GSDMC: variants seen among roughly 807,000 people sequenced by gnomAD.
GSDMC encodes the protein gasdermin C.
GSDMC carries 59 observed loss-of-function variants against 58.0 expected under a neutral mutation model. The ratio of observed to expected loss-of-function variants is 1.02; its 90% CI spans 0.82 to 1.26. The LOEUF (loss-of-function observed/expected upper bound fraction) is 1.26. Ranked by LOEUF, GSDMC falls within the 50% of genes most tolerant of loss-of-function variation. The probability of loss-of-function intolerance (pLI) is 0.00; values close to 1 mark genes in which losing one functional copy is unlikely to be tolerated. For missense variants in GSDMC, 659 were observed against 598.5 expected, an observed-to-expected ratio of 1.10 and a Z score of -1.06; for synonymous variants, 241 against 220.2, an observed-to-expected ratio of 1.09 and a Z score of -0.83.
intron 11 of GSDMC, among the ~76,000 whole-genome samples, 156 bp from the exon 12 acceptor site, chr8:129,750,275 C>A (rs756950515): frequency 6.6e-6 from 1 of 152,210 alleles, no homozygotes; most frequent in East Asian, 1.9e-4. Flanking sequence ...GGCGACACTT[C>A]CCTGGCCCAT....
At chr8:129,730,588 A>C in the GSDMC span, 1 of 285,374 alleles carries the variant, frequency 3.5e-6, no homozygotes, top group East Asian at 9.2e-5. Context: ...GTCATAGATA[A>C]TTTACACAGA....
At chr8:129,725,013 G>A in the GSDMC span, among the ~76,000 whole-genome samples, 1 of 152,154 alleles carries the variant, frequency 6.6e-6, no homozygotes, top group Admixed American at 6.5e-5. Flanking sequence ...AGAATACAAG[G>A]CCAGTTGAAC....
At chr8:129,730,025 G>A in the GSDMC span, 1 of 1,338,816 alleles carries the variant, frequency 7.5e-7, no homozygotes, top group Non-Finnish European at 1.0e-6. Flanking sequence ...GAAGAAAAAG[G>A]ATGAGAAGGA....
intron 4 of GSDMC, among the ~76,000 whole-genome samples, chr8:129,763,761 GT>G (rs2033757167): frequency 6.6e-6 from 1 of 152,002 alleles, no homozygotes. Context: ...TTTATATTTT[GT>G]AGAGACAAGG....
At chr8:129,722,796 T>C in the GSDMC span, among the ~76,000 whole-genome samples, 2 of 152,338 alleles carry the variant, frequency 1.3e-5, no homozygotes, top group Middle Eastern at 3.4e-3. Flanking sequence ...TGCATACAGA[T>C]GGATTTAACT....
the GSDMC span, chr8:129,730,102 C>T: frequency 1.0e-6 from 1 of 984,652 alleles, no homozygotes; most frequent in Non-Finnish European, 1.5e-6. Context: ...TCTTGTAACA[C>T]TATTCAGGTG....
intron 1 of GSDMC, among the ~76,000 whole-genome samples, chr8:129,779,643 TA>T (rs200247939): frequency 0.014 from 2,166 of 151,210 alleles, 62 homozygotes; most frequent in African/African-American, 0.049. Flanking sequence ...TATATATAAT[TA>T]AAAAAAAGAA....
chr8:129,757,188 C>T (rs779804476), intron 6 of GSDMC, among the ~76,000 whole-genome samples: 15 of 150,206 alleles, frequency 1.0e-4, no homozygotes, highest in Non-Finnish European at 1.0e-4. Flanking sequence ...ATGGAGAGGA[C>T]GCAAATAAAA....
At chr8:129,730,128 AAG>A in the GSDMC span, 7 of 982,676 alleles carry the variant, frequency 7.1e-6, no homozygotes, top group Non-Finnish European at 8.8e-6. Context: ...GAATGCCAAC[AAG>A]AGAGATCTCA....
Position 129,786,321 on chromosome 8 carries a change from C to CAA in GSDMC, c.-317_-316dup, listed in dbSNP as rs747387114. ...CACTCCAGCCTGGGCAACTCCGTCTCAAAAAAAAAAAAAAGAGAGAAAAAT... is the reference window on the plus strand; with the variant it reads ...CACTCCAGCCTGGGCAACTCCGTCTCAAAAAAAAAAAAAAAAGAGAGAAAAAT... On this transcript the variant is annotated 5_prime_UTR_variant, in exon 1 of 14. Transcript: ENST00000276708. 4 of 131,706 alleles carry CAA rather than the reference C, an allele frequency of 3.0e-5. No individual in the cohort carries two copies. Among genetic ancestry groups the CAA allele is most frequent in the African/African-American group, 8.3e-5 (3 of 35,942 alleles). 8.2% of individuals were successfully genotyped at this position (131,706 alleles called of 1,614,324 possible). A position where few individuals can be genotyped will look rare whatever the true frequency, so the allele number is the denominator to read the frequency against.
chr8:129,779,243 A>G (rs994916345), intron 1 of GSDMC, among the ~76,000 whole-genome samples: 10 of 152,180 alleles, frequency 6.6e-5, no homozygotes, highest in African/African-American at 2.4e-4. Flanking sequence ...GATAAAGAAA[A>G]CGCGGTACAT....
chr8:129,758,203 GAAGAAAGATACCTCA>G (rs1350410172), intron 6 of GSDMC, among the ~76,000 whole-genome samples: 1 of 152,160 alleles, frequency 6.6e-6, no homozygotes, highest in African/African-American at 2.4e-5. Flanking sequence ...ACCAGGTATA[GAAGAAAGATACCTCA>G]ACATGATAAA....
At position 129,751,899 on chromosome 8, in the gene GSDMC, A is replaced by C; in HGVS notation, c.887-8T>G. 2 of 1,613,296 alleles carry C rather than the reference A, an allele frequency of 1.2e-6. No individual in the cohort carries two copies. Among genetic ancestry groups the C allele is most frequent in the Non-Finnish European group, 1.7e-6 (2 of 1,179,234 alleles). ...TGTGAACTTGTTCGTATTCTAAAAA[A>C]AGAAATGAAATTCCTCACCAAAGAG... On this transcript the variant is annotated splice_polypyrimidine_tract_variant and splice_region_variant and intron_variant, in intron 8 of 13. Coordinates refer to ENST00000276708, the MANE Select transcript of GSDMC (RefSeq NM_031415.3).
rs574950387 is a variant in GSDMC at position 129,780,667 on chromosome 8, A to G, written c.-4-3076T>C. ...AAGGGAGTTGTTCTATCTGAAAGAA[A>G]ATGATGTTAATGAGCAAGAAGAAAT... On this transcript the variant is annotated intron_variant, in intron 1 of 13. Coordinates refer to ENST00000276708, the MANE Select transcript of GSDMC (RefSeq NM_031415.3). 3.9e-5 allele frequency among the ~76,000 whole-genome samples: 6 copies of G among 152,370 alleles called. No individual in the cohort carries two copies. The South Asian group carries it at 1.0e-3, about 26-fold the overall frequency.
intron 5 of GSDMC, among the ~76,000 whole-genome samples, chr8:129,761,103 T>C (rs1239696757): frequency 5.3e-5 from 8 of 152,208 alleles, no homozygotes; most frequent in Admixed American, 5.2e-4. Flanking sequence ...CTGCAAGTCA[T>C]GTTCTGACTA....
intron 2 of GSDMC, among the ~76,000 whole-genome samples, chr8:129,777,115 ACTCTTAT>A (rs1586617070): frequency 6.6e-6 from 1 of 152,048 alleles, no homozygotes; most frequent in East Asian, 1.9e-4. Flanking sequence ...CCTTCTATTT[ACTCTTAT>A]GTAAAATGGG....
intron 1 of GSDMC, among the ~76,000 whole-genome samples, chr8:129,783,075 T>C (rs1327851501): frequency 1.3e-5 from 2 of 152,168 alleles, no homozygotes; most frequent in African/African-American, 4.8e-5. Context: ...ATCAATGTGA[T>C]ACATTATAGC....
chr8:129,707,190 GAAAA>G, the GSDMC span: 60,105 of 138,246 alleles, frequency 0.43, 16,854 homozygotes, highest in African/African-American at 0.77. Flanking sequence ...AGCCTGGATA[GAAAA>G]AAAAAAAAAA....
chr8:129,742,471 A>C, the GSDMC span, among the ~76,000 whole-genome samples: 3 of 152,178 alleles, frequency 2.0e-5, no homozygotes, highest in African/African-American at 7.2e-5. Context: ...TCACTTAGTC[A>C]ACACACAATT....
Sources: gnomAD v4.1 joint callset for allele counts (sites outside exome capture counted in the v4.1 genomes callset) on GRCh38, gnomAD v4.1.1 for gene constraint, MANE v1.5 for transcripts, NCBI Gene and HGNC (gene_info 2026-07-23, HGNC 2026-07-21) for gene names.